Variants in TFDP2 observed in about 807,000 individuals in gnomAD.
TFDP2 encodes the protein transcription factor Dp-2.
Under a neutral mutation model 59.3 loss-of-function variants are expected in TFDP2, and 17 were observed. That is an observed-to-expected ratio of 0.29 (90% CI 0.20 to 0.43). The LOEUF (loss-of-function observed/expected upper bound fraction) is 0.43. TFDP2 is among the 20% of genes least tolerant of loss of function. The pLI, the probability that TFDP2 is intolerant of heterozygous loss-of-function variation, is 1.00. For synonymous variants in TFDP2, 180 were observed against 194.7 expected (o/e 0.92, Z 0.63); for missense variants, 391 against 528.8 (o/e 0.74, Z 2.56).
chr3:142,052,308 C>CAA (rs1189626549), intron 3 of TFDP2, among the ~76,000 whole-genome samples: 3 of 151,894 alleles, frequency 2.0e-5, no homozygotes, highest in Non-Finnish European at 4.4e-5. Context: ...GAGGCCAAGG[C>CAA]GGGCAGATCA....
rs1368723188 is a variant in TFDP2 at position 141,946,402 on chromosome 3, A to T, written c.*6111T>A. 3.3e-5 allele frequency: 5 copies of T among 152,222 alleles called. No homozygotes were observed. Among genetic ancestry groups the T allele is most frequent in the African/African-American group, 1.2e-4 (5 of 41,446 alleles). The allele number at this position is 152,222 out of a possible 1,614,324, so 9.4% of individuals were successfully genotyped here. A position where few individuals can be genotyped will look rare whatever the true frequency, so the allele number is the denominator to read the frequency against. On this transcript the variant is annotated 3_prime_UTR_variant, in exon 13 of 13. Coordinates refer to ENST00000489671, the MANE Select transcript of TFDP2 (RefSeq NM_001178139.2). The stretch of plus-strand genomic sequence containing the variant: ...TTGACTTCAACAGGCCTTTTTTGTA[A>T]AGCAAAAGGTAAGATGACAAGATCC...
At chr3:142,075,604 A>G (rs1373924061) in intron 3 of TFDP2, among the ~76,000 whole-genome samples, 4 of 152,048 alleles carry the variant, frequency 2.6e-5, no homozygotes, top group Middle Eastern at 3.2e-3. Flanking sequence ...AAAAAAATAT[A>G]TTGTATCCAG....
chr3:141,955,509 G>A (rs1240710693), intron 11 of TFDP2, among the ~76,000 whole-genome samples: 2 of 152,086 alleles, frequency 1.3e-5, no homozygotes, highest in African/African-American at 4.8e-5. Flanking sequence ...AGCTGGGTGG[G>A]GAGACGGAAC....
intron 4 of TFDP2, among the ~76,000 whole-genome samples, chr3:141,997,604 C>T (rs1421171539): frequency 1.3e-5 from 2 of 151,544 alleles, no homozygotes; most frequent in African/African-American, 4.8e-5. Context: ...AATCCTAGCA[C>T]TTTGAGAGGC....
chr3:142,052,721 TCCCTCCCAAGGGTAGTCCAC>T (rs1012050519), intron 3 of TFDP2, among the ~76,000 whole-genome samples: 4 of 151,938 alleles, frequency 2.6e-5, no homozygotes, highest in Admixed American at 6.6e-5. Flanking sequence ...CTGGGTAGTC[TCCCTCCCAAGGGTAGTCCAC>T]CCCTCCCAAG....
chr3:142,128,490 TAAC>T (rs2062360199), intron 1 of TFDP2, among the ~76,000 whole-genome samples: 1 of 152,148 alleles, frequency 6.6e-6, no homozygotes, highest in Non-Finnish European at 1.5e-5. Flanking sequence ...GGCTTACACT[TAAC>T]AACTCCCATG....
At chr3:141,992,093 GGAAA>G (rs1006666158) in intron 6 of TFDP2, among the ~76,000 whole-genome samples, 10 of 128,574 alleles carry the variant, frequency 7.8e-5, no homozygotes, top group African/African-American at 1.7e-4. Flanking sequence ...AAGGAAGGAA[GGAAA>G]GAAAGAAAGA....
intron 3 of TFDP2, among the ~76,000 whole-genome samples, chr3:142,005,997 C>T (rs554183804): frequency 1.1e-4 from 17 of 152,156 alleles, no homozygotes; most frequent in Non-Finnish European, 2.4e-4. Context: ...TAGTATAAAA[C>T]ACTGAGACTA....
At chr3:141,958,721 G>A (rs1299755528) in intron 11 of TFDP2, among the ~76,000 whole-genome samples, 2 of 152,120 alleles carry the variant, frequency 1.3e-5, no homozygotes, top group African/African-American at 4.8e-5. Context: ...ACTGGGGAAA[G>A]AGGAAGAAGG....
At chr3:142,138,667 A>C (rs1184782878) in intron 1 of TFDP2, among the ~76,000 whole-genome samples, 4 of 152,148 alleles carry the variant, frequency 2.6e-5, no homozygotes, top group African/African-American at 4.8e-5. Context: ...GTTTCCACGT[A>C]ATTGTGAGGT....
chr3:142,143,845 G>A (rs917104075), intron 1 of TFDP2, among the ~76,000 whole-genome samples: 5 of 152,074 alleles, frequency 3.3e-5, no homozygotes, highest in Non-Finnish European at 7.4e-5. Context: ...CAATTTGGAC[G>A]TTCCTCAAAA....
At chr3:142,062,851 ATCT>A (rs1485838325) in intron 3 of TFDP2, among the ~76,000 whole-genome samples, 1 of 152,206 alleles carries the variant, frequency 6.6e-6, no homozygotes, top group African/African-American at 2.4e-5. Context: ...ATCTCACAAC[ATCT>A]TCTTAAGCAA....
chr3:141,962,736 G>A (rs1014730628), intron 10 of TFDP2, among the ~76,000 whole-genome samples: 2 of 152,202 alleles, frequency 1.3e-5, no homozygotes, highest in Admixed American at 6.5e-5. Context: ...GGCAGGGGGC[G>A]CAAGAGCGCC....
intron 3 of TFDP2, chr3:142,028,644 A>T: frequency 1.0e-6 from 1 of 985,412 alleles, no homozygotes; most frequent in Non-Finnish European, 1.2e-6. Flanking sequence ...GTTACCATTC[A>T]GTGGAAACTT....
At chr3:142,052,911 G>A (rs1033903714) in intron 3 of TFDP2, among the ~76,000 whole-genome samples, 25 of 151,962 alleles carry the variant, frequency 1.6e-4, no homozygotes, top group Non-Finnish European at 3.1e-4. Context: ...CTGGGTTCAC[G>A]CCATTCTCCT....
At chr3:142,045,956 A>G (rs2108470340) in intron 3 of TFDP2, among the ~76,000 whole-genome samples, 1 of 152,286 alleles carries the variant, frequency 6.6e-6, no homozygotes, top group East Asian at 1.9e-4. Flanking sequence ...AGCCAGACCT[A>G]GTATTGAGCA....
At chr3:142,095,248 C>T (rs1176574441) in intron 2 of TFDP2, among the ~76,000 whole-genome samples, 1 of 152,164 alleles carries the variant, frequency 6.6e-6, no homozygotes, top group African/African-American at 2.4e-5. Flanking sequence ...TCTTGGCCTC[C>T]CAAAGTACTG....
At chr3:142,067,634 A>C (rs1024383607) in intron 3 of TFDP2, among the ~76,000 whole-genome samples, 5 of 152,180 alleles carry the variant, frequency 3.3e-5, no homozygotes, top group Non-Finnish European at 7.3e-5. Context: ...TAAAATTTAT[A>C]TGACAAGGTA....
At chr3:141,973,673 C>T (rs1940178163) in intron 8 of TFDP2, among the ~76,000 whole-genome samples, 1 of 147,640 alleles carries the variant, frequency 6.8e-6, no homozygotes, top group African/African-American at 2.5e-5. Flanking sequence ...AATAAACAGC[C>T]GGCTTGATCC....
Sources: gnomAD v4.1 joint callset for allele counts (sites outside exome capture counted in the v4.1 genomes callset) on GRCh38, gnomAD v4.1.1 for gene constraint, MANE v1.5 for transcripts, NCBI Gene and HGNC (gene_info 2026-07-23, HGNC 2026-07-21) for gene names.